The following ANKRD31 variants were observed in gnomAD, a reference collection of about 807,000 sequenced individuals.
The protein encoded by ANKRD31 is ankyrin repeat domain 31, also known as ankyrin repeat domain-containing protein 31.
Under a neutral mutation model 186.0 loss-of-function variants are expected in ANKRD31, and 147 were observed. The observed-to-expected ratio is 0.79, with a 90% CI of 0.69 to 0.91. ANKRD31 has a LOEUF of 0.91. Ranked by LOEUF, ANKRD31 falls within the 40% of genes least tolerant of loss-of-function variation. The pLI is 0.00. For synonymous variants in ANKRD31, 673 were observed against 736.4 expected, an observed-to-expected ratio of 0.91 and a Z score of 1.39; for missense variants, 1,986 against 2,148.8, an observed-to-expected ratio of 0.92 and a Z score of 1.50.
intron 20 of ANKRD31, among the ~76,000 whole-genome samples, chr5:75,111,322 T>C (rs940668001): frequency 2.0e-5 from 3 of 152,058 alleles, no homozygotes; most frequent in Admixed American, 1.3e-4. Context: ...ACTTTCATAA[T>C]GAAAAAAATT....
At chr5:75,176,431 C>G (rs1471306607) in intron 10 of ANKRD31, among the ~76,000 whole-genome samples, 1 of 152,212 alleles carries the variant, frequency 6.6e-6, no homozygotes, top group African/African-American at 2.4e-5. Flanking sequence ...GAGCAGACTG[C>G]CTCTTCAAGT....
chr5:75,136,592 G>T (rs1046609608), intron 17 of ANKRD31, among the ~76,000 whole-genome samples: 32 of 152,166 alleles, frequency 2.1e-4, no homozygotes, highest in African/African-American at 7.2e-4. Context: ...CAACCATTGT[G>T]GAAGACAGTG....
At chr5:75,126,720 A>G (rs1163072158) in intron 17 of ANKRD31, among the ~76,000 whole-genome samples, 1 of 152,218 alleles carries the variant, frequency 6.6e-6, no homozygotes, top group Non-Finnish European at 1.5e-5. Context: ...CTATTTAATG[A>G]AATAATAGCT....
At position 75,160,618 on chromosome 5, in the gene ANKRD31, T is replaced by C. The variant is rs199552890; in HGVS notation, c.1708-6273A>G. 4.6e-5 allele frequency among the ~76,000 whole-genome samples: 7 copies of C among 152,168 alleles called. No homozygotes were observed. In the East Asian group the frequency reaches 1.4e-3, roughly 29 times the overall value. ...TCAAAGATAACAAACAAGATGAAAG[T>C]CAAAGGATGGAAAAAGACATACCAT... is the stretch of plus-strand genomic sequence containing the variant. On this transcript the variant is annotated intron_variant, in intron 11 of 25. Transcript: ENST00000506364.
intron 22 of ANKRD31, among the ~76,000 whole-genome samples, chr5:75,092,864 A>T (rs1561410953): frequency 6.6e-6 from 1 of 152,216 alleles, no homozygotes; most frequent in Admixed American, 6.5e-5. Context: ...TTAAGTAAGG[A>T]ATGATGACAA....
intron 25 of ANKRD31, 66 bp from the exon 26 acceptor site, chr5:75,068,730 T>G: frequency 7.1e-7 from 1 of 1,414,392 alleles, no homozygotes; most frequent in Non-Finnish European, 9.2e-7. Flanking sequence ...ATTTTGCTAT[T>G]ACAAATCCTA....
intron 19 of ANKRD31, among the ~76,000 whole-genome samples, 159 bp downstream of exon 19, chr5:75,116,404 TATA>T (rs923858743): frequency 2.6e-5 from 4 of 151,634 alleles, no homozygotes; most frequent in Non-Finnish European, 4.4e-5. Context: ...AAACTTAAAG[TATA>T]ATAATAATAA....
At chr5:75,236,538 G>T (rs765856678) in intron 1 of ANKRD31, 45 bp downstream of exon 1, 1 of 1,509,940 alleles carries the variant, frequency 6.6e-7, no homozygotes, top group Non-Finnish European at 8.9e-7. Context: ...CACCTGGGCC[G>T]CCCTGGCGCG....
At position 75,210,840 on chromosome 5, in the gene ANKRD31, T is replaced by C. The variant is rs1225100786; in HGVS notation, c.314A>G (p.Gln105Arg). 11 of 1,513,238 alleles carry C rather than the reference T, an allele frequency of 7.3e-6. No individual in the cohort carries two copies. The highest frequency in any genetic ancestry group is 6.5e-5 in the Admixed American group (3 of 45,866). 93.7% of individuals were successfully genotyped at this position (1,513,238 alleles called of 1,614,324 possible). Reference sequence around the variant, plus strand: ...TTAGTATACTTACTGTAACAGAGCTTGATTTCGTTCTGTTTCATCTTGAGA... The same window carrying C: ...TTAGTATACTTACTGTAACAGAGCTCGATTTCGTTCTGTTTCATCTTGAGA... The part of the protein sequence containing the change: ...LQSQDETERN[Q>R]ALLQTRKNCS... Residue 105 changes from glutamine to arginine, a missense_variant, in exon 4 of 26, where the codon CAA (glutamine) becomes CGA (arginine). Gln to Arg is a conservative substitution (Grantham distance 43). Coordinates refer to ENST00000506364, the MANE Select transcript of ANKRD31 (RefSeq NM_001372053.1).
At chr5:75,119,968 G>A (rs777112067) in intron 17 of ANKRD31, among the ~76,000 whole-genome samples, 1 of 152,022 alleles carries the variant, frequency 6.6e-6, no homozygotes, top group Non-Finnish European at 1.5e-5. Flanking sequence ...AGGAAACTAA[G>A]GTCAAAGAGG....
At chr5:75,113,718 C>G (rs896974513) in intron 19 of ANKRD31, among the ~76,000 whole-genome samples, 4 of 152,024 alleles carry the variant, frequency 2.6e-5, no homozygotes, top group Admixed American at 6.6e-5. Context: ...ATAAAATAAC[C>G]TAATTATTTG....
At chr5:75,098,051 G>A (rs1746477824) in intron 22 of ANKRD31, among the ~76,000 whole-genome samples, 1 of 151,726 alleles carries the variant, frequency 6.6e-6, no homozygotes, top group Non-Finnish European at 1.5e-5. Context: ...TTGAGACGCA[G>A]TCTCACTGTG....
chr5:75,099,938 T>C (rs1178260022), intron 22 of ANKRD31, among the ~76,000 whole-genome samples: 6 of 152,318 alleles, frequency 3.9e-5, no homozygotes, highest in East Asian at 3.9e-4. Context: ...TCTGCTCTTA[T>C]CTTAGTTATT....
intron 21 of ANKRD31, among the ~76,000 whole-genome samples, chr5:75,106,234 A>C (rs1267661157): frequency 6.6e-6 from 1 of 152,118 alleles, no homozygotes; most frequent in Non-Finnish European, 1.5e-5. Context: ...TACTATTATT[A>C]TTAAAAAATA....
At chr5:75,141,336 A>ATGTGTG (rs565934388) in intron 15 of ANKRD31, among the ~76,000 whole-genome samples, 1 of 150,752 alleles carries the variant, frequency 6.6e-6, no homozygotes, top group Non-Finnish European at 1.5e-5. Context: ...TTGAAAACTT[A>ATGTGTG]TGTGTGTGTG....
At chr5:75,161,933 T>G (rs978648174) in intron 11 of ANKRD31, among the ~76,000 whole-genome samples, 1 of 152,146 alleles carries the variant, frequency 6.6e-6, no homozygotes, top group Non-Finnish European at 1.5e-5. Context: ...AGAAGACGTA[T>G]GGAAATGCCT....
Position 75,105,357 on chromosome 5 carries a change from GC to G in ANKRD31, c.4341-140del, listed in dbSNP as rs1364309494. The G allele has an allele frequency of 8.5e-6, 8 of 939,782 alleles. No individual in the cohort carries two copies. The African/African-American group carries it at 1.4e-4, about 16-fold the overall frequency. 58.2% of individuals were successfully genotyped at this position (939,782 alleles called of 1,614,324 possible). A position where few individuals can be genotyped will look rare whatever the true frequency, so the allele number is the denominator to read the frequency against. On this transcript the variant is annotated intron_variant, in intron 21 of 25. Coordinates refer to ENST00000506364, the MANE Select transcript of ANKRD31 (RefSeq NM_001372053.1). ...CAAAACTATGCCTGTGCAATTTACT[GC>G]CTTTGATTTTTTTAATCTGACCACC... is the stretch of plus-strand genomic sequence containing the variant.
chr5:75,210,414 T>C (rs1262264550), intron 4 of ANKRD31, among the ~76,000 whole-genome samples: 1 of 152,214 alleles, frequency 6.6e-6, no homozygotes, highest in African/African-American at 2.4e-5. Context: ...CCTCAGGTAA[T>C]CTGCCTACCT....
intron 1 of ANKRD31, among the ~76,000 whole-genome samples, chr5:75,234,378 A>C (rs941620905): frequency 3.3e-5 from 5 of 152,230 alleles, no homozygotes; most frequent in Non-Finnish European, 5.9e-5. Flanking sequence ...AAAAACCAGT[A>C]TAGACTAGCC....
Sources: allele counts gnomAD v4.1 joint callset (sites outside exome capture counted in the v4.1 genomes callset), GRCh38; gene constraint gnomAD v4.1.1; transcripts MANE v1.5; gene names NCBI Gene and HGNC (gene_info 2026-07-23, HGNC 2026-07-21).